Variants in TMEM184C observed in about 807,000 individuals in gnomAD.
TMEM184C encodes the protein transmembrane protein 34.
Under a neutral mutation model 54.5 loss-of-function variants are expected in TMEM184C, and 25 were observed. That is an observed-to-expected ratio of 0.46 (90% confidence interval 0.33 to 0.64). The LOEUF (loss-of-function observed/expected upper bound fraction) is 0.64, where lower values mean the gene tolerates loss of function less well. TMEM184C is among the 30% of genes least tolerant of loss of function. The pLI, the probability that TMEM184C is intolerant of heterozygous loss-of-function variation, is 0.02. For synonymous variants in TMEM184C, 148 were observed against 181.5 expected (o/e 0.82, Z 1.49); for missense variants, 335 against 520.3 (o/e 0.64, Z 3.46).
At chr4:147,623,223 G>A (rs1238158070) in intron 1 of TMEM184C, among the ~76,000 whole-genome samples, 1 of 152,066 alleles carries the variant, frequency 6.6e-6, no homozygotes, top group Admixed American at 6.6e-5. Context: ...GAGGCGGACG[G>A]ATCACTTGAA....
intron 1 of TMEM184C, among the ~76,000 whole-genome samples, chr4:147,619,598 T>C (rs1330600313): frequency 6.6e-6 from 1 of 152,232 alleles, no homozygotes; most frequent in African/African-American, 2.4e-5. Context: ...AAAACTTAGG[T>C]ATAAGCATCT....
chr4:147,631,360 C>T (rs1310043643), intron 6 of TMEM184C, 33 bp from the exon 7 acceptor site: 2 of 1,469,990 alleles, frequency 1.4e-6, no homozygotes, highest in Admixed American at 2.3e-5. Flanking sequence ...ATATCTATTA[C>T]TGAACAAGTT....
chr4:147,617,853 C>T lies in TMEM184C; in HGVS notation c.-104C>T. 3 of 1,546,124 alleles carry T rather than the reference C, an allele frequency of 1.9e-6. No individual in the cohort carries two copies. In the Admixed American group the frequency reaches 5.1e-5, roughly 26 times the overall value. On this transcript the variant is annotated 5_prime_UTR_variant, in exon 1 of 10. Transcript: ENST00000296582. ...TCGTAAAGTCGCCCGACAGCTTTTTCTCCGTAGTATGCGAGTTGACAAAAC... is the reference window on the plus strand; with the variant it reads ...TCGTAAAGTCGCCCGACAGCTTTTTTTCCGTAGTATGCGAGTTGACAAAAC...
rs1006351058 is a variant in TMEM184C, at chr4:147,617,458, G to C, written c.-499G>C. 6.2e-6 allele frequency: 1 copy of C among 161,826 alleles called. No individual in the cohort carries two copies. The highest frequency in any genetic ancestry group is 1.4e-5 in the Non-Finnish European group (1 of 72,196). 10.0% of individuals were successfully genotyped at this position (161,826 alleles called of 1,614,324 possible). ...TGCGAAAGAATGAGGAGATCCTGGG[G>C]CCTTACCTACTAGCGGAATCGACTG... On this transcript the variant is annotated 5_prime_UTR_variant, in exon 1 of 10. Coordinates refer to ENST00000296582, the MANE Select transcript of TMEM184C (RefSeq NM_018241.3).
intron 6 of TMEM184C, among the ~76,000 whole-genome samples, chr4:147,630,016 A>T (rs1578860943): frequency 6.6e-6 from 1 of 151,802 alleles, no homozygotes; most frequent in South Asian, 2.1e-4. Flanking sequence ...TAAAAAAAAA[A>T]ATACACACAC....
intron 6 of TMEM184C, 49 bp from the exon 7 acceptor site, chr4:147,631,344 A>G (rs1158402567): frequency 2.9e-6 from 4 of 1,376,956 alleles, no homozygotes; most frequent in Non-Finnish European, 3.0e-6. Context: ...TAATATTTCT[A>G]TTACCATATC....
intron 4 of TMEM184C, 70 bp from the exon 5 acceptor site, chr4:147,628,291 G>T: frequency 8.2e-7 from 1 of 1,218,350 alleles, no homozygotes; most frequent in Non-Finnish European, 1.2e-6. Context: ...ATTTTAATTT[G>T]GAGGCTTTGG....
chr4:147,629,763 T>C (rs1732880965), intron 6 of TMEM184C, 71 bp downstream of exon 6: 2 of 1,075,480 alleles, frequency 1.9e-6, no homozygotes, highest in Admixed American at 5.7e-5. Context: ...TTAGACAAAG[T>C]TTCTTCTTAG....
At chr4:147,633,090 G>C in intron 8 of TMEM184C, 88 bp downstream of exon 8, 1 of 1,094,808 alleles carries the variant, frequency 9.1e-7, no homozygotes, top group Non-Finnish European at 1.4e-6. Context: ...AACACACAGG[G>C]TATGGGGCTA....
At chr4:147,633,722 T>G (rs376679795) in intron 8 of TMEM184C, 43 bp from the exon 9 acceptor site, 25 of 1,477,076 alleles carry the variant, frequency 1.7e-5, no homozygotes, top group Middle Eastern at 3.7e-4. Context: ...CAAACCTAGA[T>G]TTAAATCCAA....
chr4:147,619,412 G>A (rs992623807), intron 1 of TMEM184C, among the ~76,000 whole-genome samples: 3 of 151,780 alleles, frequency 2.0e-5, no homozygotes, highest in African/African-American at 7.3e-5. Context: ...TGGCCAGGCT[G>A]GTCTCAACTC....
intron 1 of TMEM184C, among the ~76,000 whole-genome samples, chr4:147,621,514 ATAAAAT>A (rs1258635120): frequency 1.3e-5 from 2 of 152,232 alleles, no homozygotes; most frequent in Non-Finnish European, 2.9e-5. Context: ...AGAGGTAAAC[ATAAAAT>A]TAAAAAATTA....
chr4:147,628,512 A>G lies in TMEM184C; in HGVS notation c.572+77A>G, dbSNP rs534422743. The G allele has an allele frequency of 1.3e-4, 157 of 1,169,082 alleles. 4 individuals are homozygous for G. In the Middle Eastern group the frequency reaches 2.0e-3, roughly 15 times the overall value. The allele number at this position is 1,169,082 out of a possible 1,614,324, so 72.4% of individuals were successfully genotyped here. On this transcript the variant is annotated intron_variant, in intron 5 of 9. Transcript: ENST00000296582. ...GTGGGAACAACTAAGTAGAAAACAT[A>G]GTGTTAATGTGCTTATTTATAATGC...
intron 5 of TMEM184C, among the ~76,000 whole-genome samples, chr4:147,629,017 A>G (rs574976457): frequency 6.6e-6 from 1 of 152,298 alleles, no homozygotes; most frequent in African/African-American, 2.4e-5. Flanking sequence ...GTGGAAAGAA[A>G]GACTTGTGAA....
Position 147,628,406 on chromosome 4 carries a change from T to G in TMEM184C, c.543T>G (p.Val181=), listed in dbSNP as rs765959930. ...RCKLGVLQYT[V]VRPFTTIVAL... Reference sequence around the variant, plus strand: ...AACTAGGTGTATTACAGTACACAGTTGTCAGACCTTTCACCACCATCGTTG... The same window carrying G: ...AACTAGGTGTATTACAGTACACAGTGGTCAGACCTTTCACCACCATCGTTG... Residue 181 remains valine, a synonymous_variant, in exon 5 of 10, where the codon GTT becomes GTG. Coordinates refer to ENST00000296582, the MANE Select transcript of TMEM184C (RefSeq NM_018241.3). 1 of 1,613,916 alleles carries G rather than the reference T, an allele frequency of 6.2e-7. No individual in the cohort carries two copies. Among genetic ancestry groups the G allele is most frequent in the Non-Finnish European group, 8.5e-7 (1 of 1,179,924 alleles).
chr4:147,629,242 T>C (rs1170672623), intron 5 of TMEM184C, among the ~76,000 whole-genome samples: 1 of 152,100 alleles, frequency 6.6e-6, no homozygotes, highest in Non-Finnish European at 1.5e-5. Flanking sequence ...CATTATATTA[T>C]GTTTAACAAT....
chr4:147,629,485 TGA>T (rs1391760850), intron 5 of TMEM184C, 112 bp from the exon 6 acceptor site: 53 of 698,860 alleles, frequency 7.6e-5, no homozygotes, highest in Non-Finnish European at 1.2e-4. Context: ...CAAAGTCAAG[TGA>T]TTGTCAGTGA....
chr4:147,633,671 T>G (rs1041004729), intron 8 of TMEM184C, 94 bp from the exon 9 acceptor site: 1 of 1,071,176 alleles, frequency 9.3e-7, no homozygotes, highest in South Asian at 2.8e-5. Context: ...GCTGTTTATC[T>G]TAGCACTTTT....
Position 147,635,326 on chromosome 4 carries a change from A to AAAG in TMEM184C, c.*893_*895dup, listed in dbSNP as rs1350326356. ...CACAGTGAAAAAGAAGTCAAAAAAA[A>AAAG]AAGTTCTACTTTTCATCAGTGCTAT... On this transcript the variant is annotated 3_prime_UTR_variant, in exon 10 of 10. Coordinates refer to ENST00000296582, the MANE Select transcript of TMEM184C (RefSeq NM_018241.3). 2.0e-5 allele frequency: 3 copies of AAAG among 152,236 alleles called. No individual in the cohort carries two copies. Among genetic ancestry groups the AAAG allele is most frequent in the Non-Finnish European group, 4.4e-5 (3 of 68,042 alleles). The allele number at this position is 152,236 out of a possible 1,614,324, so 9.4% of individuals were successfully genotyped here.
Sources: gnomAD v4.1 joint callset for allele counts (sites outside exome capture counted in the v4.1 genomes callset) on GRCh38, gnomAD v4.1.1 for gene constraint, MANE v1.5 for transcripts, NCBI Gene and HGNC (gene_info 2026-07-23, HGNC 2026-07-21) for gene names.